Variants in TENM3 observed in about 807,000 individuals in gnomAD.
TENM3 encodes teneurin-3.
Under a neutral mutation model 255.1 loss-of-function variants are expected in TENM3, and 63 were observed. The ratio of observed to expected loss-of-function variants is 0.25; its 90% CI spans 0.20 to 0.30. The LOEUF (loss-of-function observed/expected upper bound fraction) is 0.30, where lower values mean the gene tolerates loss of function less well. Ranked by LOEUF, TENM3 falls within the 10% of genes least tolerant of loss-of-function variation. The pLI is 1.00. For synonymous variants in TENM3, 1,306 were observed against 1,322.3 expected (o/e 0.99, Z 0.27); for missense variants, 2,929 against 3,461.1 (o/e 0.85, Z 3.86).
chr4:182,162,982 G>A (rs1751458320), intron 1 of TENM3, among the ~76,000 whole-genome samples: 2 of 152,126 alleles, frequency 1.3e-5, no homozygotes, highest in Admixed American at 1.3e-4. Context: ...GAGGAGCAAA[G>A]CTGCCCCTTC....
chr4:181,638,904 T>A, the TENM3 span, among the ~76,000 whole-genome samples: 1 of 152,220 alleles, frequency 6.6e-6, no homozygotes, highest in Non-Finnish European at 1.5e-5. Flanking sequence ...CATTTAGTAG[T>A]AGCCCAAAGG....
intron 3 of TENM3, among the ~76,000 whole-genome samples, chr4:182,587,970 G>T (rs1350907737): frequency 6.6e-6 from 1 of 152,006 alleles, no homozygotes; most frequent in Non-Finnish European, 1.5e-5. Flanking sequence ...AGTTAATACA[G>T]TGAAGTTTTC....
At chr4:181,992,943 G>A in the TENM3 span, among the ~76,000 whole-genome samples, 1 of 152,070 alleles carries the variant, frequency 6.6e-6, no homozygotes, top group Admixed American at 6.5e-5. Flanking sequence ...CTTCATTAAA[G>A]TCTATAAATT....
intron 3 of TENM3, among the ~76,000 whole-genome samples, chr4:182,444,875 A>G (rs1772782928): frequency 1.3e-5 from 2 of 152,096 alleles, no homozygotes; most frequent in African/African-American, 2.4e-5. Context: ...ATCTGGGCTC[A>G]CTGCAACCTG....
intron 12 of TENM3, among the ~76,000 whole-genome samples, chr4:182,708,381 C>G (rs980368655): frequency 1.3e-5 from 2 of 151,882 alleles, no homozygotes; most frequent in African/African-American, 4.8e-5. Context: ...GCCAGGTGTT[C>G]ATAATCTGTA....
chr4:182,562,329 A>T (rs573767747), intron 3 of TENM3, among the ~76,000 whole-genome samples: 7 of 152,144 alleles, frequency 4.6e-5, no homozygotes, highest in Non-Finnish European at 8.8e-5. Context: ...GTGTCACGGG[A>T]TGGTGAGTGC....
the TENM3 span, among the ~76,000 whole-genome samples, chr4:182,092,057 T>A: frequency 6.6e-6 from 1 of 152,228 alleles, no homozygotes; most frequent in South Asian, 2.1e-4. Context: ...AAGAATAAAC[T>A]ACAAGGCCAC....
At chr4:182,545,365 T>C (rs768817390) in intron 3 of TENM3, among the ~76,000 whole-genome samples, 21 of 152,102 alleles carry the variant, frequency 1.4e-4, no homozygotes, top group Non-Finnish European at 2.5e-4. Context: ...ATATTTCCAC[T>C]TGCCTTCAGC....
the TENM3 span, among the ~76,000 whole-genome samples, chr4:182,109,068 AG>A: frequency 6.6e-6 from 1 of 151,642 alleles, no homozygotes; most frequent in Non-Finnish European, 1.5e-5. Context: ...ATATTTAGAA[AG>A]TATAATTTGG....
At chr4:182,659,682 A>G (rs532188998) in intron 6 of TENM3, among the ~76,000 whole-genome samples, 5 of 152,276 alleles carry the variant, frequency 3.3e-5, no homozygotes, top group African/African-American at 9.6e-5. Flanking sequence ...GTTTTCTCTC[A>G]GCTGGATATG....
chr4:182,781,528 G>A (rs531558455), intron 24 of TENM3, among the ~76,000 whole-genome samples: 273 of 152,052 alleles, frequency 1.8e-3, no homozygotes, highest in African/African-American at 6.4e-3. Flanking sequence ...TTTTTGTTGT[G>A]TCTCTGCCTG....
chr4:181,657,433 A>G, the TENM3 span, among the ~76,000 whole-genome samples: 1 of 152,190 alleles, frequency 6.6e-6, no homozygotes, highest in African/African-American at 2.4e-5. Flanking sequence ...AGCATCACTA[A>G]CCATCAGAGA....
chr4:182,566,057 G>T (rs1301269145), intron 3 of TENM3, among the ~76,000 whole-genome samples: 2 of 152,124 alleles, frequency 1.3e-5, no homozygotes, highest in East Asian at 1.9e-4. Context: ...GTCAGACAGG[G>T]TGTCTTTCTC....
At chr4:182,101,108 A>AAAGAAGGG in the TENM3 span, among the ~76,000 whole-genome samples, 1 of 15,982 alleles carries the variant, frequency 6.3e-5, no homozygotes, top group African/African-American at 2.1e-4. Context: ...GGGAGGGAGG[A>AAAGAAGGG]AGGAAAGAAG....
chr4:181,580,777 A>T, the TENM3 span, among the ~76,000 whole-genome samples: 2 of 152,240 alleles, frequency 1.3e-5, no homozygotes, highest in Non-Finnish European at 1.5e-5. Flanking sequence ...TCATCCAGGC[A>T]GGAAATGACC....
chr4:182,241,514 C>CTTTTTTTTTTTTTTTTT (rs1561232126), upstream of TENM3, among the ~76,000 whole-genome samples: 1 of 102,626 alleles, frequency 9.7e-6, no homozygotes, highest in African/African-American at 5.1e-5. Flanking sequence ...TTTCTTTTTT[C>CTTTTTTTTTTTTTTTTT]TTTCTTTTTT....
the TENM3 span, among the ~76,000 whole-genome samples, chr4:181,736,395 A>G: frequency 6.6e-6 from 1 of 152,186 alleles, no homozygotes; most frequent in Non-Finnish European, 1.5e-5. Context: ...GCTCTTTCAC[A>G]TGTAATTGCC....
intron 1 of TENM3, among the ~76,000 whole-genome samples, chr4:182,294,195 G>A (rs1054885456): frequency 3.9e-5 from 6 of 152,094 alleles, no homozygotes; most frequent in Admixed American, 1.3e-4. Flanking sequence ...AACTTCAGTC[G>A]TGGTTGTGAA....
At chr4:182,586,189 C>T (rs986116619) in intron 3 of TENM3, among the ~76,000 whole-genome samples, 3 of 152,106 alleles carry the variant, frequency 2.0e-5, no homozygotes, top group African/African-American at 4.8e-5. Flanking sequence ...CCCAAGAGTT[C>T]GAGGTTGCAG....
Sources: allele counts gnomAD v4.1 joint callset (sites outside exome capture counted in the v4.1 genomes callset), GRCh38; gene constraint gnomAD v4.1.1; transcripts MANE v1.5; gene names NCBI Gene and HGNC (gene_info 2026-07-23, HGNC 2026-07-21).